DPH5: variants seen among roughly 807,000 people sequenced by gnomAD.
DPH5 encodes the protein diphthamide biosynthesis 5.
Under a neutral mutation model 31.6 loss-of-function variants are expected in DPH5, and 31 were observed. That is an observed-to-expected ratio of 0.98 (90% CI 0.74 to 1.32). The LOEUF (loss-of-function observed/expected upper bound fraction) is 1.32, where lower values mean the gene tolerates loss of function less well. Among genes scored for constraint, DPH5 ranks in the 40% most tolerant of loss-of-function variants. The pLI is 0.00. For missense variants in DPH5, 309 were observed against 335.7 expected, an observed-to-expected ratio of 0.92 and a Z score of 0.62; for synonymous variants, 120 against 115.0, an observed-to-expected ratio of 1.04 and a Z score of -0.28.
intron 4 of DPH5, among the ~76,000 whole-genome samples, chr1:101,012,610 AG>A (rs1659781046): frequency 6.6e-6 from 1 of 152,228 alleles, no homozygotes; most frequent in Non-Finnish European, 1.5e-5. Flanking sequence ...AATGTTCAGA[AG>A]GGTTTCAAAA....
At chr1:101,020,933 C>T (rs1441340508) in intron 3 of DPH5, among the ~76,000 whole-genome samples, 1 of 152,118 alleles carries the variant, frequency 6.6e-6, no homozygotes, top group Non-Finnish European at 1.5e-5. Flanking sequence ...TTGAATCCTG[C>T]AAAAGTTTAC....
At chr1:101,016,905 G>A (rs1028487883) in intron 3 of DPH5, among the ~76,000 whole-genome samples, 1 of 152,196 alleles carries the variant, frequency 6.6e-6, no homozygotes, top group African/African-American at 2.4e-5. Flanking sequence ...CAAGAAGAGA[G>A]AGAGAGTTGG....
chr1:100,994,540 CTT>C (rs869229716), intron 6 of DPH5, among the ~76,000 whole-genome samples: 3 of 142,526 alleles, frequency 2.1e-5, no homozygotes, highest in Non-Finnish European at 1.5e-5. Flanking sequence ...AAACCCATGC[CTT>C]TTTTTTTTTT....
chr1:101,001,225 A>G (rs947941538), intron 5 of DPH5, among the ~76,000 whole-genome samples: 4 of 152,242 alleles, frequency 2.6e-5, no homozygotes, highest in Non-Finnish European at 4.4e-5. Flanking sequence ...AGGATCTACT[A>G]GGGCAGGGCA....
chr1:101,024,150 T>A (rs115789436), intron 2 of DPH5, among the ~76,000 whole-genome samples: 1 of 152,334 alleles, frequency 6.6e-6, no homozygotes, highest in African/African-American at 2.4e-5. Flanking sequence ...CTTGTGCCTA[T>A]ACAATCCCAG....
At chr1:101,018,991 A>C (rs1660270364) in intron 3 of DPH5, among the ~76,000 whole-genome samples, 1 of 152,224 alleles carries the variant, frequency 6.6e-6, no homozygotes, top group African/African-American at 2.4e-5. Context: ...TATTATCTGT[A>C]TATGGATGCC....
chr1:100,995,724 A>G (rs1325260268), intron 5 of DPH5: 1 of 152,450 alleles, frequency 6.6e-6, no homozygotes, highest in African/African-American at 2.4e-5. Flanking sequence ...TGCTCTCTAG[A>G]AGCTTGACAG....
At position 100,992,630 on chromosome 1, in the gene DPH5, T is replaced by C. The variant is rs748159588; in HGVS notation, c.634+7A>G. 1 of 1,610,844 alleles carries C rather than the reference T, an allele frequency of 6.2e-7. No homozygotes were observed. The highest frequency in any genetic ancestry group is 2.2e-5 in the East Asian group (1 of 44,840). On this transcript the variant is annotated splice_region_variant and intron_variant, in intron 7 of 7. Coordinates refer to ENST00000370109, the MANE Select transcript of DPH5 (RefSeq NM_015958.3). ...TAATATGAGAGCCCTTCTAGTGTCT[T>C]GAGTACCTGGTTCTTCTCCTCGTAT...
At chr1:101,024,367 C>A (rs1422396567) in intron 2 of DPH5, among the ~76,000 whole-genome samples, 1 of 152,204 alleles carries the variant, frequency 6.6e-6, no homozygotes, top group South Asian at 2.1e-4. Flanking sequence ...CATGATCATA[C>A]CATTGCACCC....
At chr1:100,991,782 C>G (rs1487713791) in intron 7 of DPH5, among the ~76,000 whole-genome samples, 3 of 81,652 alleles carry the variant, frequency 3.7e-5, no homozygotes, top group Non-Finnish European at 8.1e-5. Flanking sequence ...AAGCAAGACC[C>G]CATCTCAAAA....
intron 7 of DPH5, among the ~76,000 whole-genome samples, chr1:100,991,936 G>A (rs1307312423): frequency 2.0e-5 from 3 of 151,608 alleles, no homozygotes; most frequent in Non-Finnish European, 2.9e-5. Context: ...GTGAAACCCT[G>A]TCTCTACCAA....
At chr1:100,991,447 G>A (rs1657694310) in intron 7 of DPH5, among the ~76,000 whole-genome samples, 1 of 152,116 alleles carries the variant, frequency 6.6e-6, no homozygotes, top group South Asian at 2.1e-4. Context: ...TTTGTTTCAC[G>A]ACTTTAACAT....
chr1:100,991,788 C>CAAAAAA (rs71084857), intron 7 of DPH5, among the ~76,000 whole-genome samples: 2 of 101,066 alleles, frequency 2.0e-5, no homozygotes, highest in Non-Finnish European at 4.0e-5. Flanking sequence ...GACCCCATCT[C>CAAAAAA]AAAAAAAAAA....
intron 3 of DPH5, among the ~76,000 whole-genome samples, chr1:101,018,330 C>T (rs201693695): frequency 6.6e-6 from 1 of 151,786 alleles, no homozygotes; most frequent in Non-Finnish European, 1.5e-5. Context: ...CTCCGCCTCC[C>T]GGGTTCAATC....
At chr1:101,010,387 G>A (rs1202502422) in intron 4 of DPH5, among the ~76,000 whole-genome samples, 1 of 152,170 alleles carries the variant, frequency 6.6e-6, no homozygotes. Flanking sequence ...GTGTATGAAG[G>A]AGTGTTAGAT....
At chr1:101,001,688 C>T (rs543183190) in intron 4 of DPH5, 101 bp from the exon 5 acceptor site, 2 of 966,288 alleles carry the variant, frequency 2.1e-6, no homozygotes, top group South Asian at 1.8e-5. Flanking sequence ...AAGTGAATAT[C>T]CAACTCGAAA....
chr1:100,993,237 G>A lies in DPH5; in HGVS notation c.531-497C>T, dbSNP rs185000437. Among the ~76,000 whole-genome samples, 182 of 152,058 alleles carry A rather than the reference G, an allele frequency of 1.2e-3. 1 individual carries two copies. The highest frequency in any genetic ancestry group is 4.3e-3 in the African/African-American group (177 of 41,492). ...GCCTCAAAAGCCTATCAGGCTTGCCGAACTATCATATTAACAAAAATATAG... is the reference window on the plus strand; with the variant it reads ...GCCTCAAAAGCCTATCAGGCTTGCCAAACTATCATATTAACAAAAATATAG... On this transcript the variant is annotated intron_variant, in intron 6 of 7. Coordinates refer to ENST00000370109, the MANE Select transcript of DPH5 (RefSeq NM_015958.3).
At chr1:101,020,234 C>G (rs1369998307) in intron 3 of DPH5, among the ~76,000 whole-genome samples, 1 of 152,154 alleles carries the variant, frequency 6.6e-6, no homozygotes, top group Non-Finnish European at 1.5e-5. Flanking sequence ...TATCCAGACC[C>G]AGCGCAAGTT....
chr1:101,004,486 T>A (rs558942417), intron 4 of DPH5, among the ~76,000 whole-genome samples: 3 of 152,186 alleles, frequency 2.0e-5, no homozygotes, highest in Non-Finnish European at 4.4e-5. Flanking sequence ...TAAGAAACAG[T>A]AGGTAAACAC....
Sources: gnomAD v4.1 joint callset for allele counts (sites outside exome capture counted in the v4.1 genomes callset) on GRCh38, gnomAD v4.1.1 for gene constraint, MANE v1.5 for transcripts, NCBI Gene and HGNC (gene_info 2026-07-23, HGNC 2026-07-21) for gene names.